GNAI1: variants seen among roughly 807,000 people sequenced by gnomAD.
GNAI1 encodes G protein subunit alpha i1.
In GNAI1, 11 loss-of-function variants were observed where a neutral mutation model predicts 38.9. The observed-to-expected ratio is 0.28, with a 90% CI of 0.18 to 0.47. The LOEUF (loss-of-function observed/expected upper bound fraction) is 0.47. Among genes scored for constraint, GNAI1 ranks in the 20% least tolerant of loss-of-function variants. The pLI, the probability that GNAI1 is intolerant of heterozygous loss-of-function variation, is 0.99. For missense variants in GNAI1, 317 were observed against 436.9 expected (o/e 0.73, Z 2.45); for synonymous variants, 166 against 145.1 (o/e 1.14, Z -1.04).
intron 3 of GNAI1, among the ~76,000 whole-genome samples, chr7:80,195,799 C>CT (rs1375013866): frequency 3.9e-5 from 6 of 151,990 alleles, no homozygotes; most frequent in Non-Finnish European, 7.4e-5. Flanking sequence ...TTTAAAAACT[C>CT]TGTCATTCCC....
chr7:80,165,911 C>T (rs942470069), intron 1 of GNAI1, among the ~76,000 whole-genome samples: 1 of 152,048 alleles, frequency 6.6e-6, no homozygotes, highest in Non-Finnish European at 1.5e-5. Context: ...ACTTTTACTT[C>T]GTTGAGAACT....
At chr7:80,150,208 A>G (rs1423736365) in intron 1 of GNAI1, among the ~76,000 whole-genome samples, 1 of 152,212 alleles carries the variant, frequency 6.6e-6, no homozygotes, top group Non-Finnish European at 1.5e-5. Context: ...AGTGGTGTAC[A>G]TGTACCAGGA....
intron 3 of GNAI1, among the ~76,000 whole-genome samples, chr7:80,191,276 G>T (rs1402425518): frequency 6.6e-6 from 1 of 151,992 alleles, no homozygotes; most frequent in Non-Finnish European, 1.5e-5. Flanking sequence ...ATTAAACGTG[G>T]CCTGGACACG....
At chr7:80,153,087 G>T (rs897363952) in intron 1 of GNAI1, among the ~76,000 whole-genome samples, 2 of 151,956 alleles carry the variant, frequency 1.3e-5, no homozygotes, top group Non-Finnish European at 2.9e-5. Context: ...ATTAACCAAA[G>T]TAACTAAAAT....
In GNAI1 at chr7:80,199,361, A is replaced by C; in HGVS notation, c.440A>C (p.Gln147Pro). 6.2e-7 allele frequency: 1 copy of C among 1,609,348 alleles called. No individual in the cohort carries two copies. The highest frequency in any genetic ancestry group is 1.1e-5 in the South Asian group (1 of 90,042). ...TGTTTCAACAGATCCCGAGAGTACC[A>C]GCTTAATGATTCTGCAGCATAGTAA... Reference protein sequence around the residue: ...QACFNRSREYQLNDSAAYYLN... With the variant: ...QACFNRSREYPLNDSAAYYLN... Residue 147 changes from glutamine (Q) to proline (P), a missense_variant, in exon 4 of 8, where the codon CAG (glutamine) becomes CCG (proline). Physicochemically the swap from Gln to Pro is moderately conservative, Grantham distance 76. This residue lies in a region of GNAI1 where 158 missense variants were observed against 234.7 expected (regional missense o/e 0.67). Coordinates refer to ENST00000649796, the MANE Select transcript of GNAI1 (RefSeq NM_002069.6).
intron 1 of GNAI1, among the ~76,000 whole-genome samples, chr7:80,160,286 G>A (rs1034288561): frequency 1.3e-5 from 2 of 151,606 alleles, no homozygotes; most frequent in Non-Finnish European, 2.9e-5. Context: ...CAGCTTCTCT[G>A]TAAATTTTCT....
Position 80,189,237 on chromosome 7 carries a change from T to G in GNAI1, c.303+6T>G. 5.6e-6 allele frequency: 9 copies of G among 1,610,724 alleles called. No homozygotes were observed. Among genetic ancestry groups the G allele is most frequent in the Non-Finnish European group, 7.6e-6 (9 of 1,178,586 alleles). On this transcript the variant is annotated splice_donor_region_variant and intron_variant, in intron 3 of 7. Coordinates refer to ENST00000649796, the MANE Select transcript of GNAI1 (RefSeq NM_002069.6). ...TTGGTGACTCAGCCCGGGCGGTAAG[T>G]TATTAAATTTGTTGGAGCTGACCTG... is the stretch of plus-strand genomic sequence containing the variant.
At chr7:80,158,525 G>T (rs113103258) in intron 1 of GNAI1, among the ~76,000 whole-genome samples, 193 of 152,214 alleles carry the variant, frequency 1.3e-3, no homozygotes, top group African/African-American at 4.3e-3. Flanking sequence ...ATGAGATCTG[G>T]TGGTTTTATA....
chr7:80,165,662 C>A (rs1193901932), intron 1 of GNAI1, among the ~76,000 whole-genome samples: 1 of 151,926 alleles, frequency 6.6e-6, no homozygotes, highest in Non-Finnish European at 1.5e-5. Context: ...TTTATTTTTT[C>A]ATTCAAGCAC....
At chr7:80,152,818 G>A (rs1049417729) in intron 1 of GNAI1, among the ~76,000 whole-genome samples, 1 of 151,600 alleles carries the variant, frequency 6.6e-6, no homozygotes, top group African/African-American at 2.4e-5. Context: ...TGATATGCCC[G>A]CCTCGGCCTC....
chr7:80,209,473 CTTAAAG>C (rs1413035592), intron 5 of GNAI1, among the ~76,000 whole-genome samples: 2 of 152,150 alleles, frequency 1.3e-5, no homozygotes, highest in South Asian at 4.1e-4. Flanking sequence ...GTCTCCATTA[CTTAAAG>C]TTAACTGATT....
chr7:80,201,255 G>A (rs943034429), intron 4 of GNAI1, among the ~76,000 whole-genome samples: 12 of 152,300 alleles, frequency 7.9e-5, no homozygotes, highest in African/African-American at 2.6e-4. Context: ...ATGATGAGAA[G>A]ATTGCTTTGA....
chr7:80,137,312 C>CTTTTTTTTT (rs1787435883), intron 1 of GNAI1, among the ~76,000 whole-genome samples: 11 of 66,938 alleles, frequency 1.6e-4, no homozygotes, highest in South Asian at 5.9e-4. Flanking sequence ...TTTTTCTTTT[C>CTTTTTTTTT]TTTTCTTTTT....
chr7:80,150,653 G>C (rs1787707514), intron 1 of GNAI1, among the ~76,000 whole-genome samples: 2 of 152,174 alleles, frequency 1.3e-5, no homozygotes, highest in South Asian at 4.1e-4. Context: ...TAATTCTCAA[G>C]CTGGATGCTG....
At chr7:80,215,881 G>A (rs1788959749) in intron 7 of GNAI1, among the ~76,000 whole-genome samples, 1 of 152,142 alleles carries the variant, frequency 6.6e-6, no homozygotes, top group South Asian at 2.1e-4. Flanking sequence ...GTAGAATGAA[G>A]AGGAAGTACT....
At chr7:80,156,585 T>A (rs1787822505) in intron 1 of GNAI1, among the ~76,000 whole-genome samples, 2 of 152,054 alleles carry the variant, frequency 1.3e-5, no homozygotes, top group South Asian at 4.1e-4. Flanking sequence ...CATGCCACCA[T>A]TCCCAGCCAA....
chr7:80,181,781 ATATT>A (rs931666871), intron 1 of GNAI1, among the ~76,000 whole-genome samples: 3 of 152,162 alleles, frequency 2.0e-5, no homozygotes, highest in African/African-American at 2.4e-5. Context: ...AAAATTATAT[ATATT>A]TACAGTATAC....
intron 1 of GNAI1, among the ~76,000 whole-genome samples, chr7:80,145,383 G>A (rs866359506): frequency 6.6e-5 from 10 of 152,142 alleles, no homozygotes; most frequent in East Asian, 1.9e-4. Flanking sequence ...GTTTATTCCC[G>A]TGTACTCTTC....
At chr7:80,151,479 G>A (rs927591001) in intron 1 of GNAI1, among the ~76,000 whole-genome samples, 3 of 151,774 alleles carry the variant, frequency 2.0e-5, no homozygotes, top group African/African-American at 7.3e-5. Flanking sequence ...TGGTTGTGAT[G>A]TCAGTCAGCT....
Sources: gnomAD v4.1 joint callset for allele counts (sites outside exome capture counted in the v4.1 genomes callset) on GRCh38, gnomAD v4.1.1 for gene constraint, gnomAD v4.1.1 regional missense constraint, MANE v1.5 for transcripts, NCBI Gene and HGNC (gene_info 2026-07-23, HGNC 2026-07-21) for gene names.